Variants in NXN observed in about 807,000 individuals in gnomAD.
NXN encodes nucleoredoxin.
NXN carries 16 observed loss-of-function variants against 48.6 expected under a neutral mutation model. That is an observed-to-expected ratio of 0.33 (90% confidence interval 0.22 to 0.50). The LOEUF (loss-of-function observed/expected upper bound fraction) is 0.50. Among genes scored for constraint, NXN ranks in the 20% least tolerant of loss-of-function variants. The pLI is 0.98. For missense variants in NXN, 492 were observed against 605.5 expected (o/e 0.81, Z 1.97); for synonymous variants, 281 against 269.6 (o/e 1.04, Z -0.41).
At chr17:870,049 G>A (rs1159986406) in intron 1 of NXN, among the ~76,000 whole-genome samples, 1 of 152,126 alleles carries the variant, frequency 6.6e-6, no homozygotes, top group Non-Finnish European at 1.5e-5. Context: ...ATTGCGGGGT[G>A]GAGTGTTACT....
chr17:848,595 C>A (rs2067890714), intron 1 of NXN, among the ~76,000 whole-genome samples: 2 of 152,208 alleles, frequency 1.3e-5, no homozygotes, highest in African/African-American at 4.8e-5. Context: ...AAGGCTCTGG[C>A]CGGAAAGCCA....
intron 1 of NXN, among the ~76,000 whole-genome samples, chr17:881,072 G>C (rs985550484): frequency 6.6e-6 from 1 of 152,136 alleles, no homozygotes; most frequent in Non-Finnish European, 1.5e-5. Flanking sequence ...CGTCCAGAAA[G>C]TAGATAGGTG....
chr17:801,712 A>G (rs1911225592), intron 7 of NXN, among the ~76,000 whole-genome samples: 2 of 152,118 alleles, frequency 1.3e-5, no homozygotes, highest in South Asian at 2.1e-4. Context: ...CCAAAGTGCT[A>G]GGATTACAGG....
At chr17:870,893 CTGT>C (rs2068144912) in intron 1 of NXN, among the ~76,000 whole-genome samples, 1 of 152,072 alleles carries the variant, frequency 6.6e-6, no homozygotes, top group Non-Finnish European at 1.5e-5. Context: ...GAGTCTCACT[CTGT>C]CGCCCAGGCT....
At chr17:931,413 A>C (rs1490643763) in intron 1 of NXN, among the ~76,000 whole-genome samples, 2 of 151,618 alleles carry the variant, frequency 1.3e-5, no homozygotes, top group African/African-American at 2.4e-5. Flanking sequence ...AGATCACACC[A>C]CTGCACTCCA....
chr17:831,456 CATTT>C (rs1555611695), intron 1 of NXN, among the ~76,000 whole-genome samples: 1 of 145,708 alleles, frequency 6.9e-6, no homozygotes, highest in Non-Finnish European at 1.5e-5. Flanking sequence ...TTTATTTATT[CATTT>C]ATTTATTTAT....
chr17:890,186 C>A (rs1042068944), intron 1 of NXN, among the ~76,000 whole-genome samples: 2 of 151,986 alleles, frequency 1.3e-5, no homozygotes, highest in Non-Finnish European at 2.9e-5. Context: ...CAGAAAAAAA[C>A]CAGCAACTCT....
rs1436845669 is a variant in NXN, at chr17:800,235, A to G, written c.*714T>C. 1 of 152,362 alleles carries G rather than the reference A, an allele frequency of 6.6e-6. No individual in the cohort carries two copies. 9.4% of individuals were successfully genotyped at this position (152,362 alleles called of 1,614,324 possible). On this transcript the variant is annotated 3_prime_UTR_variant, in exon 8 of 8. Transcript: ENST00000336868. ...GAGCGAGAGGTCCGTGCTGGTGCAG[A>G]GGTGCTCCTCCTAGGACTCAGGGCT...
At chr17:873,508 A>AAAAAAAAAAAAAAAC in intron 1 of NXN, among the ~76,000 whole-genome samples, 1 of 151,496 alleles carries the variant, frequency 6.6e-6, no homozygotes, top group African/African-American at 2.4e-5. Flanking sequence ...AAAAAAAAAA[A>AAAAAAAAAAAAAAAC]AAGGAGTCTC....
At chr17:883,431 C>G (rs969765425) in intron 1 of NXN, among the ~76,000 whole-genome samples, 2 of 152,244 alleles carry the variant, frequency 1.3e-5, no homozygotes, top group Non-Finnish European at 2.9e-5. Context: ...GTTGAACCAG[C>G]ACAGGCCTCA....
intron 1 of NXN, among the ~76,000 whole-genome samples, chr17:856,547 G>A (rs919875653): frequency 1.4e-5 from 2 of 147,608 alleles, no homozygotes; most frequent in Non-Finnish European, 3.0e-5. Flanking sequence ...CTGGAGTGCA[G>A]TGGTGCAATC....
rs1189985642 is a variant in NXN, at chr17:970,755, T to C, written c.360+8564A>G. Among the ~76,000 whole-genome samples, 4 of 152,178 alleles carry C rather than the reference T, an allele frequency of 2.6e-5. No homozygotes were observed. In the East Asian group the frequency reaches 5.8e-4, roughly 22 times the overall value. On this transcript the variant is annotated intron_variant, in intron 1 of 7. Transcript: ENST00000336868. ...CAACACTGTGACCCTGATCTAATAATCGGTGCTCTTTGCTTCAATTCTCCA... is the reference window on the plus strand; with the variant it reads ...CAACACTGTGACCCTGATCTAATAACCGGTGCTCTTTGCTTCAATTCTCCA...
intron 5 of NXN, among the ~76,000 whole-genome samples, chr17:808,596 G>C (rs1057403434): frequency 6.6e-6 from 1 of 151,268 alleles, no homozygotes; most frequent in Non-Finnish European, 1.5e-5. Flanking sequence ...TGCCCGGCCA[G>C]TGTAAAACAC....
At chr17:852,984 C>CT (rs907501832) in intron 1 of NXN, among the ~76,000 whole-genome samples, 94 of 146,600 alleles carry the variant, frequency 6.4e-4, no homozygotes, top group South Asian at 1.3e-3. Flanking sequence ...TAAATTTTTT[C>CT]TTTTTTTTTT....
chr17:868,791 C>G (rs113798080), intron 1 of NXN, among the ~76,000 whole-genome samples: 1 of 152,130 alleles, frequency 6.6e-6, no homozygotes, highest in Non-Finnish European at 1.5e-5. Context: ...CGCACCCGGT[C>G]GAAACTACCT....
chr17:939,718 C>T (rs901676123), intron 1 of NXN, among the ~76,000 whole-genome samples: 1 of 152,194 alleles, frequency 6.6e-6, no homozygotes, highest in African/African-American at 2.4e-5. Flanking sequence ...GTGTAAGACA[C>T]ACACGTACGT....
At chr17:916,572 G>T (rs1377277082) in intron 1 of NXN, among the ~76,000 whole-genome samples, 1 of 152,136 alleles carries the variant, frequency 6.6e-6, no homozygotes. Flanking sequence ...AATATCCAAG[G>T]AATCAGTTTT....
intron 5 of NXN, among the ~76,000 whole-genome samples, chr17:817,623 T>C (rs371823270): frequency 6.8e-5 from 10 of 147,446 alleles, no homozygotes; most frequent in African/African-American, 2.5e-4. Flanking sequence ...GAACCAAGAT[T>C]GCGCCACTGC....
At chr17:977,375 G>C (rs780577373) in intron 1 of NXN, among the ~76,000 whole-genome samples, 1 of 152,176 alleles carries the variant, frequency 6.6e-6, no homozygotes, top group Non-Finnish European at 1.5e-5. Flanking sequence ...TGTCATCCAG[G>C]TTCTCATCAT....
Sources: gnomAD v4.1 joint callset for allele counts (sites outside exome capture counted in the v4.1 genomes callset) on GRCh38, gnomAD v4.1.1 for gene constraint, MANE v1.5 for transcripts, NCBI Gene and HGNC (gene_info 2026-07-23, HGNC 2026-07-21) for gene names.